EFCAB13: variants seen among roughly 807,000 people sequenced by gnomAD.
EFCAB13 encodes EF-hand calcium binding domain 13, also known as EF-hand calcium-binding domain-containing protein 13.
A neutral mutation model predicts 110.2 loss-of-function variants in EFCAB13; 91 were observed. That is an observed-to-expected ratio of 0.83 (90% CI 0.70 to 0.98). The LOEUF (loss-of-function observed/expected upper bound fraction) is 0.98. Ranked by LOEUF, EFCAB13 falls within the 50% of genes least tolerant of loss-of-function variation. The pLI is 0.00. For missense variants in EFCAB13, 968 were observed against 1,119.4 expected (o/e 0.86, Z 1.93); for synonymous variants, 323 against 369.9 (o/e 0.87, Z 1.45).
intron 23 of EFCAB13, among the ~76,000 whole-genome samples, chr17:47,420,388 G>T (rs1247289100): frequency 6.6e-6 from 1 of 152,268 alleles, no homozygotes; most frequent in South Asian, 2.1e-4. Flanking sequence ...GAAGTGAGGA[G>T]CGTCTCTGCC....
At chr17:47,324,899 T>C (rs922033676) in intron 2 of EFCAB13, among the ~76,000 whole-genome samples, 6 of 149,184 alleles carry the variant, frequency 4.0e-5, no homozygotes, top group African/African-American at 1.5e-4. Context: ...CGTTCTCTCT[T>C]GTACTCACTC....
intron 20 of EFCAB13, among the ~76,000 whole-genome samples, chr17:47,408,227 AGTT>A (rs1292761733): frequency 3.3e-5 from 5 of 152,128 alleles, no homozygotes. Flanking sequence ...GTAAGTGTCG[AGTT>A]GTTGTTTACT....
intron 18 of EFCAB13, 141 bp downstream of exon 18, chr17:47,402,344 G>A: frequency 1.4e-6 from 1 of 731,438 alleles, no homozygotes; most frequent in South Asian, 1.9e-5. Context: ...ATGAAACTTG[G>A]TTTTGATTAA....
chr17:47,380,177 C>A (rs1160896041), intron 14 of EFCAB13, among the ~76,000 whole-genome samples: 1 of 152,118 alleles, frequency 6.6e-6, no homozygotes, highest in African/African-American at 2.4e-5. Flanking sequence ...GTTTGCTGCA[C>A]CCTTCAACCC....
At position 47,395,877 on chromosome 17, in the gene EFCAB13, G is replaced by GGTC; in HGVS notation, c.1845_1846insGTC (p.Glu615_Thr616insVal). 3.7e-6 allele frequency: 6 copies of GGTC among 1,610,392 alleles called. No individual in the cohort carries two copies. Among genetic ancestry groups the GGTC allele is most frequent in the Non-Finnish European group, 5.1e-6 (6 of 1,177,562 alleles). On this transcript the variant is annotated inframe_insertion, in exon 17 of 25. Transcript: ENST00000331493. The stretch of plus-strand genomic sequence containing the variant: ...AAACCCTCGACGATCTCAGAAAGGA[G>GGTC]ACGATGAGTGTTTCTGACCTGTGGA...
chr17:47,389,267 G>A (rs1305887503), intron 14 of EFCAB13, among the ~76,000 whole-genome samples: 1 of 152,098 alleles, frequency 6.6e-6, no homozygotes. Context: ...TGAACTCCTG[G>A]TATCAAGCAA....
At chr17:47,374,356 A>G (rs1728035262) in intron 11 of EFCAB13, 116 bp from the exon 12 acceptor site, 3 of 941,318 alleles carry the variant, frequency 3.2e-6, no homozygotes, top group Non-Finnish European at 4.4e-6. Flanking sequence ...TTTGTTTTAT[A>G]TGTTTAAGAA....
At chr17:47,405,968 T>A (rs1225707502) in intron 20 of EFCAB13, among the ~76,000 whole-genome samples, 2 of 152,124 alleles carry the variant, frequency 1.3e-5, no homozygotes, top group Non-Finnish European at 2.9e-5. Context: ...TTCATTTTAG[T>A]GAAACTTTGG....
intron 17 of EFCAB13, among the ~76,000 whole-genome samples, chr17:47,401,539 A>G (rs1475323675): frequency 1.3e-5 from 2 of 149,918 alleles, no homozygotes; most frequent in African/African-American, 2.5e-5. Flanking sequence ...AGACTGAGGT[A>G]TGTCTCTTAA....
chr17:47,389,946 G>A (rs1302799465), intron 14 of EFCAB13, among the ~76,000 whole-genome samples: 1 of 150,422 alleles, frequency 6.6e-6, no homozygotes, highest in Admixed American at 6.7e-5. Context: ...CTTGCTGTAT[G>A]TACTATTTAC....
intron 5 of EFCAB13, among the ~76,000 whole-genome samples, chr17:47,337,492 T>A (rs576009279): frequency 1.3e-5 from 2 of 152,164 alleles, no homozygotes; most frequent in East Asian, 1.9e-4. Context: ...ATAAAAAAAA[T>A]TTAAAAATGG....
chr17:47,357,873 A>G (rs2065490040), intron 9 of EFCAB13, among the ~76,000 whole-genome samples: 1 of 152,128 alleles, frequency 6.6e-6, no homozygotes, highest in African/African-American at 2.4e-5. Context: ...ACTCGGACAG[A>G]CAGAGCAGCG....
At chr17:47,369,571 A>G (rs1474183210) in intron 10 of EFCAB13, 1 of 152,616 alleles carries the variant, frequency 6.6e-6, no homozygotes, top group African/African-American at 2.4e-5. Context: ...TAAAATAAAC[A>G]TATCTTCCTG....
intron 23 of EFCAB13, chr17:47,423,263 T>C (rs1051239827): frequency 1.3e-5 from 2 of 152,182 alleles, no homozygotes; most frequent in Non-Finnish European, 2.9e-5. Context: ...GAGAATGTTC[T>C]CATTGGAGAA....
intron 23 of EFCAB13, among the ~76,000 whole-genome samples, chr17:47,416,107 G>T (rs1904433624): frequency 6.6e-6 from 1 of 152,040 alleles, no homozygotes; most frequent in Non-Finnish European, 1.5e-5. Context: ...TTTTTAATCA[G>T]ATGTAGCTTT....
chr17:47,396,548 G>A lies in EFCAB13; in HGVS notation c.1945+571G>A, dbSNP rs116508259. ...CTACATGCAGGAAGGAGAGTACCCA[G>A]CCTACAGGTAGACATTTCTACTCTC... On this transcript the variant is annotated intron_variant, in intron 17 of 24. Coordinates refer to ENST00000331493, the MANE Select transcript of EFCAB13 (RefSeq NM_152347.5). 3.0e-3 allele frequency among the ~76,000 whole-genome samples: 458 copies of A among 152,254 alleles called. 2 individuals are homozygous for A. Among genetic ancestry groups the A allele is most frequent in the African/African-American group, 0.01 (436 of 41,538 alleles).
At chr17:47,355,570 ATTTTTTT>A (rs71365066) in intron 9 of EFCAB13, among the ~76,000 whole-genome samples, 5 of 120,346 alleles carry the variant, frequency 4.2e-5, no homozygotes, top group Non-Finnish European at 7.0e-5. Context: ...GGCTTTGTTC[ATTTTTTT>A]TTTTTTTTTT....
At chr17:47,361,826 G>T (rs970812209) in intron 10 of EFCAB13, among the ~76,000 whole-genome samples, 2 of 152,100 alleles carry the variant, frequency 1.3e-5, no homozygotes, top group South Asian at 4.1e-4. Flanking sequence ...GTAGTTTCTT[G>T]TAGTATCAAG....
chr17:47,367,842 G>A lies in EFCAB13; in HGVS notation c.806-2595G>A, dbSNP rs1271701333. 2.0e-5 allele frequency among the ~76,000 whole-genome samples: 3 copies of A among 152,228 alleles called. No individual in the cohort carries two copies. The East Asian group carries it at 5.8e-4, about 29-fold the overall frequency. On this transcript the variant is annotated intron_variant, in intron 10 of 24. Transcript: ENST00000331493. Reference sequence around the variant, plus strand: ...CGAGAAGTACTGGGCAGTGCTGCAGGGAAGCTAGATCAGCTCCAGGCCTGG... The same window carrying A: ...CGAGAAGTACTGGGCAGTGCTGCAGAGAAGCTAGATCAGCTCCAGGCCTGG...
Sources: gnomAD v4.1 joint callset for allele counts (sites outside exome capture counted in the v4.1 genomes callset) on GRCh38, gnomAD v4.1.1 for gene constraint, MANE v1.5 for transcripts, NCBI Gene and HGNC (gene_info 2026-07-23, HGNC 2026-07-21) for gene names.